The following TNNI3K variants were observed in gnomAD, a reference collection of about 807,000 sequenced individuals.
The protein encoded by TNNI3K is serine/threonine-protein kinase TNNI3K.
TNNI3K carries 140 observed loss-of-function variants against 114.5 expected under a neutral mutation model. That is an observed-to-expected ratio of 1.22 (90% confidence interval 1.07 to 1.41). The LOEUF (loss-of-function observed/expected upper bound fraction) is 1.41, where lower values mean the gene tolerates loss of function less well. Among genes scored for constraint, TNNI3K ranks in the 40% most tolerant of loss-of-function variants. TNNI3K has a pLI of 0.00. For missense variants in TNNI3K, 1,125 were observed against 1,007.6 expected (o/e 1.12, Z -1.58); for synonymous variants, 347 against 347.5 (o/e 1.00, Z 0.02).
chr1:74,474,149 C>T (rs1202117355), intron 21 of TNNI3K, among the ~76,000 whole-genome samples: 1 of 152,134 alleles, frequency 6.6e-6, no homozygotes, highest in Non-Finnish European at 1.5e-5. Context: ...TAAAAGAGCA[C>T]ATCCCCTTCA....
intron 23 of TNNI3K, among the ~76,000 whole-genome samples, chr1:74,512,313 G>C (rs190611171): frequency 6.6e-6 from 1 of 152,254 alleles, no homozygotes; most frequent in African/African-American, 2.4e-5. Flanking sequence ...TTGAACCCAA[G>C]ATTGGCCCCT....
intron 17 of TNNI3K, among the ~76,000 whole-genome samples, chr1:74,426,063 A>C (rs964121853): frequency 4.6e-5 from 7 of 152,150 alleles, no homozygotes; most frequent in African/African-American, 1.7e-4. Flanking sequence ...GATGGAAGGC[A>C]TATGGGACTA....
chr1:74,291,535 TC>T (rs2100289266), intron 5 of TNNI3K, among the ~76,000 whole-genome samples: 1 of 151,654 alleles, frequency 6.6e-6, no homozygotes, highest in South Asian at 2.1e-4. Flanking sequence ...GAAACTGAGT[TC>T]CAGAAAGGTT....
chr1:74,371,659 T>C (rs1478742187), intron 17 of TNNI3K: 1 of 151,826 alleles, frequency 6.6e-6, no homozygotes, highest in Non-Finnish European at 1.5e-5. Context: ...GTATGTAATG[T>C]GTATAATGTA....
At chr1:74,322,361 C>T (rs1219496793) in intron 5 of TNNI3K, among the ~76,000 whole-genome samples, 2 of 152,094 alleles carry the variant, frequency 1.3e-5, no homozygotes, top group Admixed American at 1.3e-4. Context: ...ATGTTCATCT[C>T]CCCTTGTAGG....
At chr1:74,421,349 G>A (rs112672685) in intron 17 of TNNI3K, among the ~76,000 whole-genome samples, 6 of 152,120 alleles carry the variant, frequency 3.9e-5, no homozygotes, top group African/African-American at 1.4e-4. Flanking sequence ...CATAAGTGAT[G>A]AATGATTACA....
intron 5 of TNNI3K, among the ~76,000 whole-genome samples, chr1:74,286,782 G>A (rs1050106366): frequency 6.6e-6 from 1 of 152,130 alleles, no homozygotes; most frequent in Admixed American, 6.5e-5. Context: ...AAGACTGGAA[G>A]AAGTGTCTAC....
intron 4 of TNNI3K, among the ~76,000 whole-genome samples, chr1:74,253,322 C>T (rs553998468): frequency 1.6e-4 from 25 of 152,306 alleles, no homozygotes; most frequent in African/African-American, 5.5e-4. Context: ...CCTGCCAGTC[C>T]CACGCCATGT....
intron 17 of TNNI3K, among the ~76,000 whole-genome samples, chr1:74,425,021 G>A (rs1357585148): frequency 1.3e-5 from 2 of 152,092 alleles, no homozygotes; most frequent in Non-Finnish European, 2.9e-5. Context: ...ATTGGTGCAG[G>A]CTAGAATATT....
intron 21 of TNNI3K, chr1:74,475,926 AG>A (rs1264383118): frequency 8.5e-6 from 4 of 467,904 alleles, no homozygotes; most frequent in Non-Finnish European, 1.5e-5. Context: ...CAGAATGGGT[AG>A]GAAGTCCTTC....
intron 17 of TNNI3K, among the ~76,000 whole-genome samples, chr1:74,432,584 G>A (rs1665949464): frequency 6.6e-6 from 1 of 152,040 alleles, no homozygotes; most frequent in African/African-American, 2.4e-5. Context: ...AAGAGCCTAT[G>A]ACATAGCATC....
chr1:74,533,480 C>A (rs10458562), intron 23 of TNNI3K, among the ~76,000 whole-genome samples: 114,674 of 136,534 alleles, frequency 0.84, 47,725 homozygotes, highest in Middle Eastern at 0.95. Context: ...TAAACTAGTT[C>A]AACCATTGTG....
intron 7 of TNNI3K, 124 bp from the exon 8 acceptor site, chr1:74,342,718 A>T: frequency 7.9e-7 from 1 of 1,268,196 alleles, no homozygotes; most frequent in Non-Finnish European, 1.1e-6. Context: ...CTTTATGATT[A>T]TCATTAACTG....
Position 74,503,911 on chromosome 1 carries a change from A to C in TNNI3K, c.2351+11645A>C, listed in dbSNP as rs151071415. Among the ~76,000 whole-genome samples, 717 of 152,326 alleles carry C rather than the reference A, an allele frequency of 4.7e-3. 4 individuals are homozygous for C. The highest frequency in any genetic ancestry group is 8.1e-3 in the Non-Finnish European group (552 of 68,028). On this transcript the variant is annotated intron_variant, in intron 23 of 24. Transcript: ENST00000326637. ...AGTGTGAAAGTGTTTGGTATACCTC[A>C]TTATGTTCCTGAATGCCATCTTATA...
intron 5 of TNNI3K, among the ~76,000 whole-genome samples, chr1:74,288,421 T>C (rs1373546988): frequency 1.3e-5 from 2 of 152,112 alleles, no homozygotes; most frequent in Non-Finnish European, 2.9e-5. Flanking sequence ...ATATCATATA[T>C]GTGAATATTA....
chr1:74,285,755 AT>A (rs1362951953), intron 5 of TNNI3K, among the ~76,000 whole-genome samples: 1 of 152,214 alleles, frequency 6.6e-6, no homozygotes, highest in Non-Finnish European at 1.5e-5. Context: ...ATTAAACAGA[AT>A]GAGGAAAATT....
chr1:74,339,585 G>A (rs1169095559), intron 7 of TNNI3K, among the ~76,000 whole-genome samples: 1 of 152,066 alleles, frequency 6.6e-6, no homozygotes, highest in African/African-American at 2.4e-5. Flanking sequence ...CATGGTAACA[G>A]AATGTCACAA....
At chr1:74,309,356 G>C (rs1658843645) in intron 5 of TNNI3K, among the ~76,000 whole-genome samples, 3 of 7,488 alleles carry the variant, frequency 4.0e-4, no homozygotes, top group African/African-American at 1.1e-3. Context: ...GCGACAGCGA[G>C]ACTCTGTCTC....
At chr1:74,453,848 A>G (rs1280142600) in intron 20 of TNNI3K, among the ~76,000 whole-genome samples, 1 of 152,212 alleles carries the variant, frequency 6.6e-6, no homozygotes, top group Non-Finnish European at 1.5e-5. Flanking sequence ...AGCGCTGAGC[A>G]GGAACGTAGG....
Sources: gnomAD v4.1 joint callset for allele counts (sites outside exome capture counted in the v4.1 genomes callset) on GRCh38, gnomAD v4.1.1 for gene constraint, MANE v1.5 for transcripts, NCBI Gene and HGNC (gene_info 2026-07-23, HGNC 2026-07-21) for gene names.